The following JAKMIP2 variants were observed in gnomAD, a reference collection of about 807,000 sequenced individuals.
JAKMIP2 encodes the protein janus kinase and microtubule-interacting protein 2.
A neutral mutation model predicts 115.0 loss-of-function variants in JAKMIP2; 25 were observed. That is an observed-to-expected ratio of 0.22 (90% confidence interval 0.16 to 0.30). The LOEUF is 0.30. Among genes scored for constraint, JAKMIP2 ranks in the 10% least tolerant of loss-of-function variants. The probability of loss-of-function intolerance (pLI) is 1.00; values close to 1 mark genes in which losing one functional copy is unlikely to be tolerated. For synonymous variants in JAKMIP2, 334 were observed against 343.6 expected, an observed-to-expected ratio of 0.97 and a Z score of 0.31; for missense variants, 642 against 957.6, an observed-to-expected ratio of 0.67 and a Z score of 4.35.
chr5:147,766,087 T>C (rs1453665555), intron 1 of JAKMIP2, among the ~76,000 whole-genome samples: 2 of 152,162 alleles, frequency 1.3e-5, no homozygotes, highest in East Asian at 3.9e-4. Flanking sequence ...CACCCAACCT[T>C]GGGTTATGAT....
chr5:147,748,136 G>A (rs566223459), intron 1 of JAKMIP2, among the ~76,000 whole-genome samples: 1 of 152,116 alleles, frequency 6.6e-6, no homozygotes, highest in African/African-American at 2.4e-5. Flanking sequence ...AGAATGCCAG[G>A]GTTCAAATCC....
At chr5:147,676,616 G>A (rs1315560672) in intron 1 of JAKMIP2, among the ~76,000 whole-genome samples, 1 of 152,190 alleles carries the variant, frequency 6.6e-6, no homozygotes, top group Non-Finnish European at 1.5e-5. Flanking sequence ...CATCAAATAT[G>A]TGAATTTTAG....
chr5:147,743,705 C>T (rs1342115884), intron 1 of JAKMIP2, among the ~76,000 whole-genome samples: 1 of 152,156 alleles, frequency 6.6e-6, no homozygotes, highest in Non-Finnish European at 1.5e-5. Context: ...TCTTCCTCCT[C>T]TTGTTTTTGG....
At chr5:147,744,791 G>A (rs1754289725) in intron 1 of JAKMIP2, among the ~76,000 whole-genome samples, 1 of 152,090 alleles carries the variant, frequency 6.6e-6, no homozygotes, top group Admixed American at 6.6e-5. Context: ...CAGGCACAGT[G>A]GCTTATGCCT....
intron 2 of JAKMIP2, among the ~76,000 whole-genome samples, chr5:147,662,299 C>T (rs1275201406): frequency 2.0e-5 from 3 of 152,012 alleles, no homozygotes; most frequent in African/African-American, 7.2e-5. Flanking sequence ...TCTTTGAGTC[C>T]CTTTTCACTC....
intron 8 of JAKMIP2, 73 bp downstream of exon 8, chr5:147,641,635 G>T (rs981272264): frequency 9.5e-7 from 1 of 1,050,050 alleles, no homozygotes; most frequent in Non-Finnish European, 1.5e-6. Flanking sequence ...CATCTTTGTA[G>T]GAAGATTCCA....
chr5:147,628,924 A>G (rs1421175014), intron 15 of JAKMIP2, 108 bp from the exon 16 acceptor site: 12 of 675,982 alleles, frequency 1.8e-5, no homozygotes, highest in Non-Finnish European at 3.0e-5. Context: ...GCCTGTATAG[A>G]AACTTAACAA....
At chr5:147,719,938 G>A (rs202157284) in intron 1 of JAKMIP2, among the ~76,000 whole-genome samples, 15 of 152,044 alleles carry the variant, frequency 9.9e-5, no homozygotes, top group African/African-American at 3.1e-4. Context: ...AGTTTCTTCT[G>A]AGTCTTGATG....
intron 1 of JAKMIP2, among the ~76,000 whole-genome samples, chr5:147,770,746 C>T (rs1454846660): frequency 6.6e-6 from 1 of 151,746 alleles, no homozygotes; most frequent in Non-Finnish European, 1.5e-5. Flanking sequence ...AAATACAGAA[C>T]AAAATTTTTG....
chr5:147,667,261 A>G lies in JAKMIP2; in HGVS notation c.129+4417T>C, dbSNP rs79185748. Among the ~76,000 whole-genome samples, 1,117 of 152,228 alleles carry G rather than the reference A, an allele frequency of 7.3e-3. 49 individuals carry two copies. In the East Asian group the frequency reaches 0.13, roughly 17 times the overall value. ...CTTTCTACCCTAGAGGTTCTATGGG[A>G]AAAAAGATCATTAGAAAAGTTTAAT... On this transcript the variant is annotated intron_variant, in intron 2 of 21. Coordinates refer to ENST00000616793, the MANE Select transcript of JAKMIP2 (RefSeq NM_001270941.2).
At position 147,692,623 on chromosome 5, in the gene JAKMIP2, T is replaced by C. The variant is rs146804315; in HGVS notation, c.-148-20669A>G. ...TGAAAGTAGGGAGGGTGTTTGCTCA[T>C]ATGACTAATATAAAAACAGTATGAT... On this transcript the variant is annotated intron_variant, in intron 1 of 21. Coordinates refer to ENST00000616793, the MANE Select transcript of JAKMIP2 (RefSeq NM_001270941.2). Among the ~76,000 whole-genome samples the C allele has an allele frequency of 8.7e-4, 133 of 152,328 alleles. 3 individuals are homozygous for C. In the East Asian group the frequency reaches 0.025, roughly 29 times the overall value.
chr5:147,720,496 T>C lies in JAKMIP2; in HGVS notation c.-148-48542A>G, dbSNP rs868044255. Reference sequence around the variant, plus strand: ...CACTTTCAGGTACACCAATCAGACGTAGATTTGGTCTTTTCACATAGTCCC... The same window carrying C: ...CACTTTCAGGTACACCAATCAGACGCAGATTTGGTCTTTTCACATAGTCCC... On this transcript the variant is annotated intron_variant, in intron 1 of 21. Coordinates refer to ENST00000616793, the MANE Select transcript of JAKMIP2 (RefSeq NM_001270941.2). Among the ~76,000 whole-genome samples the C allele has an allele frequency of 9.4e-3, 1,391 of 148,438 alleles. 23 individuals carry two copies. The highest frequency in any genetic ancestry group is 0.033 in the African/African-American group (1,341 of 40,196).
At chr5:147,764,951 A>AGAGAGAGAGG (rs1755084910) in intron 1 of JAKMIP2, among the ~76,000 whole-genome samples, 1 of 76,970 alleles carries the variant, frequency 1.3e-5, no homozygotes, top group Non-Finnish European at 2.4e-5. Flanking sequence ...AGAGAGGGAG[A>AGAGAGAGAGG]GAGAGAGAGA....
chr5:147,729,138 A>C (rs888750255), intron 1 of JAKMIP2, among the ~76,000 whole-genome samples: 3 of 152,126 alleles, frequency 2.0e-5, no homozygotes, highest in African/African-American at 7.2e-5. Context: ...GGAGGGAGGA[A>C]TTTCTCTCTC....
At chr5:147,754,538 A>G (rs1382697368) in intron 1 of JAKMIP2, among the ~76,000 whole-genome samples, 1 of 152,180 alleles carries the variant, frequency 6.6e-6, no homozygotes, top group Non-Finnish European at 1.5e-5. Flanking sequence ...TACAGAGGAA[A>G]GGTTACAACT....
At position 147,622,726 on chromosome 5, in the gene JAKMIP2, T is replaced by C. The variant is rs115525971; in HGVS notation, c.2064+895A>G. ...GCTGCTATGAACATGGGTGTATAAA[T>C]ATCTCTTCCAGACTCTGGTTTCAAT... On this transcript the variant is annotated intron_variant, in intron 17 of 21. Coordinates refer to ENST00000616793, the MANE Select transcript of JAKMIP2 (RefSeq NM_001270941.2). Among the ~76,000 whole-genome samples, 492 of 152,362 alleles carry C rather than the reference T, an allele frequency of 3.2e-3. 2 individuals are homozygous for C. The highest frequency in any genetic ancestry group is 0.011 in the African/African-American group (468 of 41,588).
At chr5:147,661,501 C>T (rs1256279928) in intron 2 of JAKMIP2, 56 bp from the exon 3 acceptor site, 1 of 1,538,410 alleles carries the variant, frequency 6.5e-7, no homozygotes, top group Admixed American at 2.0e-5. Context: ...GACGGGTGTG[C>T]TCCTAGGCAG....
chr5:147,714,221 G>A (rs562047101), intron 1 of JAKMIP2, among the ~76,000 whole-genome samples: 123 of 152,198 alleles, frequency 8.1e-4, no homozygotes, highest in African/African-American at 2.9e-3. Context: ...GCCTACTTCA[G>A]GGGATAAAAG....
intron 15 of JAKMIP2, among the ~76,000 whole-genome samples, chr5:147,629,386 A>C (rs1280221103): frequency 1.3e-5 from 2 of 152,154 alleles, no homozygotes; most frequent in Non-Finnish European, 2.9e-5. Flanking sequence ...TTAATTTCAC[A>C]CTGGATGCCT....
Sources: allele counts gnomAD v4.1 joint callset (sites outside exome capture counted in the v4.1 genomes callset), GRCh38; gene constraint gnomAD v4.1.1; transcripts MANE v1.5; gene names NCBI Gene and HGNC (gene_info 2026-07-23, HGNC 2026-07-21).